The following IMPG1 variants were observed in gnomAD, a reference collection of about 807,000 sequenced individuals.
IMPG1 encodes interphotoreceptor matrix proteoglycan of 150 kDa.
IMPG1 carries 85 observed loss-of-function variants against 92.0 expected under a neutral mutation model. The observed-to-expected ratio is 0.92, with a 90% CI of 0.78 to 1.11. The LOEUF is 1.11. Among genes scored for constraint, IMPG1 ranks in the 50% least tolerant of loss-of-function variants. The pLI is 0.00. For synonymous variants in IMPG1, 367 were observed against 334.1 expected (o/e 1.10, Z -1.08); for missense variants, 1,022 against 956.0 (o/e 1.07, Z -0.91).
At chr6:75,973,795 G>C (rs971977870) in intron 12 of IMPG1, among the ~76,000 whole-genome samples, 1 of 152,168 alleles carries the variant, frequency 6.6e-6, no homozygotes, top group South Asian at 2.1e-4. Context: ...TTAATTGAAA[G>C]CATGCCAAGT....
intron 12 of IMPG1, among the ~76,000 whole-genome samples, chr6:75,987,796 C>T (rs1170323200): frequency 6.6e-6 from 1 of 152,066 alleles, no homozygotes; most frequent in African/African-American, 2.4e-5. Context: ...AGGCGCCCAC[C>T]ACAAGGCCCG....
intron 1 of IMPG1, among the ~76,000 whole-genome samples, chr6:76,046,542 T>TAGC (rs1278362132): frequency 6.6e-6 from 1 of 152,172 alleles, no homozygotes; most frequent in Non-Finnish European, 1.5e-5. Context: ...AAAAAGGTAG[T>TAGC]AGCAGCACAA....
intron 12 of IMPG1, among the ~76,000 whole-genome samples, chr6:75,998,729 T>C (rs1421605704): frequency 2.0e-5 from 3 of 152,214 alleles, no homozygotes; most frequent in African/African-American, 7.2e-5. Flanking sequence ...CCTACACGTC[T>C]AAACCAAACC....
intron 12 of IMPG1, among the ~76,000 whole-genome samples, chr6:75,964,224 G>A (rs1046102390): frequency 3.3e-5 from 5 of 152,156 alleles, no homozygotes; most frequent in African/African-American, 1.2e-4. Context: ...AAGGCTAATC[G>A]GGAAGTGGCT....
At chr6:75,926,251 C>T (rs1781547235) in intron 15 of IMPG1, among the ~76,000 whole-genome samples, 3 of 152,200 alleles carry the variant, frequency 2.0e-5, no homozygotes. Flanking sequence ...AATTATTAAT[C>T]AGGTGGAAGT....
chr6:75,983,048 T>G (rs6931719), intron 12 of IMPG1, among the ~76,000 whole-genome samples: 71,721 of 151,596 alleles, frequency 0.47, 17,365 homozygotes, highest in East Asian at 0.67. Context: ...GCAATTCAAG[T>G]GCAGCTAAAA....
intron 12 of IMPG1, among the ~76,000 whole-genome samples, chr6:75,955,648 T>C (rs759388433): frequency 2.0e-5 from 3 of 152,204 alleles, no homozygotes; most frequent in Non-Finnish European, 4.4e-5. Flanking sequence ...TGAATAGGAA[T>C]GGTGAGAGAG....
intron 12 of IMPG1, among the ~76,000 whole-genome samples, chr6:75,969,671 T>C (rs1239360703): frequency 6.6e-6 from 1 of 152,028 alleles, no homozygotes; most frequent in Non-Finnish European, 1.5e-5. Flanking sequence ...AGACAGAGGC[T>C]GCAGTGAACT....
At chr6:76,004,701 T>C (rs895464792) in intron 10 of IMPG1, among the ~76,000 whole-genome samples, 5 of 152,166 alleles carry the variant, frequency 3.3e-5, no homozygotes, top group African/African-American at 9.7e-5. Context: ...TCCCTGCTAC[T>C]TTCTGCCCCA....
At chr6:76,071,478 G>A (rs1002571482) in intron 1 of IMPG1, among the ~76,000 whole-genome samples, 16 of 151,604 alleles carry the variant, frequency 1.1e-4, no homozygotes, top group African/African-American at 3.9e-4. Context: ...GTGAAAACAT[G>A]AAGAAATCTT....
chr6:76,050,129 C>T (rs1219062804), intron 1 of IMPG1, among the ~76,000 whole-genome samples: 1 of 152,070 alleles, frequency 6.6e-6, no homozygotes, highest in Non-Finnish European at 1.5e-5. Context: ...GCTTTTGACT[C>T]TTCGTTTATA....
At chr6:76,050,342 C>T (rs184821763) in intron 1 of IMPG1, among the ~76,000 whole-genome samples, 2 of 152,198 alleles carry the variant, frequency 1.3e-5, no homozygotes, top group African/African-American at 4.8e-5. Context: ...ACTTGGGAGG[C>T]TGAGGCATGA....
intron 1 of IMPG1, among the ~76,000 whole-genome samples, chr6:76,052,572 G>A (rs1217900269): frequency 2.0e-5 from 3 of 152,124 alleles, no homozygotes; most frequent in Non-Finnish European, 2.9e-5. Flanking sequence ...GCGCCCTCAA[G>A]GTATGCAGTA....
At chr6:76,046,429 C>T (rs1256270168) in intron 1 of IMPG1, among the ~76,000 whole-genome samples, 1 of 152,136 alleles carries the variant, frequency 6.6e-6, no homozygotes, top group African/African-American at 2.4e-5. Flanking sequence ...GAAAGTAATA[C>T]ATTTGAATAT....
chr6:75,972,923 A>AT (rs1354891287), intron 12 of IMPG1, among the ~76,000 whole-genome samples: 2 of 152,172 alleles, frequency 1.3e-5, no homozygotes, highest in East Asian at 1.9e-4. Flanking sequence ...TCTAATGATC[A>AT]TTTTTTATAG....
Position 75,993,250 on chromosome 6 carries a change from G to A in IMPG1, c.1291+9668C>T, listed in dbSNP as rs567000617. Among the ~76,000 whole-genome samples the A allele has an allele frequency of 7.9e-5, 12 of 152,178 alleles. No individual in the cohort carries two copies. The South Asian group carries it at 1.5e-3, about 18-fold the overall frequency. Reference sequence around the variant, plus strand: ...CGGAAACATCACAGACATATGTAACGGGGCATTGGTATTTAAATTGGGATT... The same window carrying A: ...CGGAAACATCACAGACATATGTAACAGGGCATTGGTATTTAAATTGGGATT... On this transcript the variant is annotated intron_variant, in intron 12 of 16. Coordinates refer to ENST00000369950, the MANE Select transcript of IMPG1 (RefSeq NM_001563.4).
chr6:75,921,859 C>T lies in IMPG1; in HGVS notation c.*230G>A, dbSNP rs377436415. Reference sequence around the variant, plus strand: ...ATCCAAGAATAGTAAAAATATGTTTCGCTGATTGCATTTGGGGTTTTAATA... The same window carrying T: ...ATCCAAGAATAGTAAAAATATGTTTTGCTGATTGCATTTGGGGTTTTAATA... On this transcript the variant is annotated 3_prime_UTR_variant, in exon 17 of 17. Coordinates refer to ENST00000369950, the MANE Select transcript of IMPG1 (RefSeq NM_001563.4). 9.3e-5 allele frequency: 33 copies of T among 355,952 alleles called. No individual in the cohort carries two copies. Among genetic ancestry groups the T allele is most frequent in the African/African-American group, 5.6e-4 (26 of 46,726 alleles). 22.0% of individuals were successfully genotyped at this position (355,952 alleles called of 1,614,324 possible).
At chr6:76,006,870 A>T (rs1307381391) in intron 9 of IMPG1, among the ~76,000 whole-genome samples, 1 of 152,024 alleles carries the variant, frequency 6.6e-6, no homozygotes, top group Non-Finnish European at 1.5e-5. Context: ...TCATGTCATA[A>T]ATCTAGACAG....
intron 1 of IMPG1, among the ~76,000 whole-genome samples, chr6:76,061,750 G>T (rs1784210360): frequency 6.6e-6 from 1 of 152,076 alleles, no homozygotes; most frequent in Non-Finnish European, 1.5e-5. Context: ...GCAATTAAAT[G>T]AAATTATTTA....
Sources: allele counts gnomAD v4.1 joint callset (sites outside exome capture counted in the v4.1 genomes callset), GRCh38; gene constraint gnomAD v4.1.1; transcripts MANE v1.5; gene names NCBI Gene and HGNC (gene_info 2026-07-23, HGNC 2026-07-21).